MAML2: variants seen among roughly 807,000 people sequenced by gnomAD.
The protein encoded by MAML2 is mastermind like transcriptional coactivator 2.
A neutral mutation model predicts 96.1 loss-of-function variants in MAML2; 22 were observed. The observed-to-expected ratio is 0.23, with a 90% confidence interval of 0.16 to 0.33. The LOEUF is 0.33. MAML2 is among the 10% of genes least tolerant of loss of function. MAML2 has a pLI of 1.00. For synonymous variants in MAML2, 561 were observed against 521.3 expected, an observed-to-expected ratio of 1.08 and a Z score of -1.04; for missense variants, 1,367 against 1,392.4, an observed-to-expected ratio of 0.98 and a Z score of 0.29.
intron 2 of MAML2, among the ~76,000 whole-genome samples, chr11:96,011,774 G>T (rs1032403366): frequency 2.6e-5 from 4 of 152,162 alleles, no homozygotes; most frequent in Non-Finnish European, 5.9e-5. Flanking sequence ...ATCAATGACA[G>T]AATAAATGGA....
chr11:95,993,049 A>T (rs147373942), intron 2 of MAML2, among the ~76,000 whole-genome samples: 1 of 151,832 alleles, frequency 6.6e-6, no homozygotes, highest in Non-Finnish European at 1.5e-5. Context: ...GCTAATTTTT[A>T]AATTTTTTTT....
intron 1 of MAML2, among the ~76,000 whole-genome samples, chr11:96,284,961 C>T (rs747598557): frequency 9.2e-5 from 14 of 152,048 alleles, no homozygotes; most frequent in African/African-American, 1.2e-4. Context: ...TGAATTGTGC[C>T]GTATATGGCT....
chr11:96,100,280 T>C (rs1247947479), intron 1 of MAML2, among the ~76,000 whole-genome samples: 1 of 152,084 alleles, frequency 6.6e-6, no homozygotes, highest in Non-Finnish European at 1.5e-5. Context: ...GTTTTAGGGT[T>C]TTTTGTTGTT....
At position 96,092,213 on chromosome 11, in the gene MAML2, C is replaced by A. The variant is rs572830140; in HGVS notation, c.1818G>T (p.Gln606His). The A allele has an allele frequency of 2.3e-3, 56 of 24,818 alleles. No homozygotes were observed. Among genetic ancestry groups the A allele is most frequent in the Non-Finnish European group, 2.7e-3 (56 of 20,690 alleles). 1.5% of individuals were successfully genotyped at this position (24,818 alleles called of 1,614,324 possible). The change falls in exon 2 of 5, where the codon CAG (glutamine) becomes CAT (histidine). Residue 606 changes from glutamine (Q) to histidine (H), a missense_variant. By Grantham distance (24) the Gln-to-His change is conservative. Transcript: ENST00000524717. The surrounding 1 kb of genome is among the most constrained non-coding windows in gnomAD (Gnocchi z 4.1). ...QQQQQQQQQQQQQQQQQQQQQ... is the reference protein window; with the variant it reads ...QQQQQQQQQQHQQQQQQQQQQ... ...GCTGTTGCTGCTGCTGCTGCTGTTGCTGCTGCTGCTGCTGCTGCTGCTGCT... is the reference window on the plus strand; with the variant it reads ...GCTGTTGCTGCTGCTGCTGCTGTTGATGCTGCTGCTGCTGCTGCTGCTGCT...
chr11:96,033,562 C>A (rs1034786954), intron 2 of MAML2, among the ~76,000 whole-genome samples: 3 of 152,180 alleles, frequency 2.0e-5, no homozygotes, highest in African/African-American at 7.2e-5. Context: ...ACTTGACGCA[C>A]TGTAAATGCT....
intron 1 of MAML2, among the ~76,000 whole-genome samples, chr11:96,126,877 C>T (rs925374365): frequency 1.3e-5 from 2 of 151,768 alleles, no homozygotes; most frequent in African/African-American, 2.4e-5. Flanking sequence ...GAGAACTAAG[C>T]GTGATGACAG....
At chr11:96,029,163 GGT>G (rs1491522215) in intron 2 of MAML2, among the ~76,000 whole-genome samples, 18 of 88,438 alleles carry the variant, frequency 2.0e-4, no homozygotes, top group African/African-American at 9.5e-4. Context: ...AGAGTGAAAC[GGT>G]TTTTTTTTTT....
At chr11:96,302,059 CA>C (rs1289153613) in intron 1 of MAML2, among the ~76,000 whole-genome samples, 1 of 152,218 alleles carries the variant, frequency 6.6e-6, no homozygotes, top group Non-Finnish European at 1.5e-5. Context: ...TCAATCCTTA[CA>C]AAAGCCCTAT....
intron 1 of MAML2, among the ~76,000 whole-genome samples, chr11:96,151,899 C>T (rs1860930272): frequency 6.6e-6 from 1 of 152,140 alleles, no homozygotes; most frequent in African/African-American, 2.4e-5. Context: ...GTGATCAATA[C>T]ATATTTTTAA....
chr11:96,010,098 CATT>C (rs1858244029), intron 2 of MAML2, among the ~76,000 whole-genome samples: 1 of 152,308 alleles, frequency 6.6e-6, no homozygotes, highest in Admixed American at 6.5e-5. Context: ...TTATCATTAT[CATT>C]ATAAACCTTC....
chr11:96,083,659 A>G (rs1348743982), intron 2 of MAML2, among the ~76,000 whole-genome samples: 1 of 152,184 alleles, frequency 6.6e-6, no homozygotes, highest in Non-Finnish European at 1.5e-5. Context: ...TTAAAGCCCC[A>G]GAACAGAAGA....
rs530578845 is a variant in MAML2, at chr11:96,166,177, T to TCTCACACACA, written c.514-72661_514-72660insTGTGTGTGAG. 2.1e-3 allele frequency among the ~76,000 whole-genome samples: 231 copies of TCTCACACACA among 110,364 alleles called. 1 individual carries two copies. The highest frequency in any genetic ancestry group is 6.7e-3 in the African/African-American group (192 of 28,634). The allele number at this position is 110,364 out of a possible 152,430, so 72.4% of individuals were successfully genotyped here. A position where few individuals can be genotyped will look rare whatever the true frequency, so the allele number is the denominator to read the frequency against. ...CTGTCTCTCTCTCTCTCTCTCTCTC[T>TCTCACACACA]CACACACACACACACACACACACAC... is the stretch of plus-strand genomic sequence containing the variant. On this transcript the variant is annotated intron_variant, in intron 1 of 4. Transcript: ENST00000524717.
At chr11:96,011,415 G>C (rs1858263738) in intron 2 of MAML2, among the ~76,000 whole-genome samples, 1 of 152,164 alleles carries the variant, frequency 6.6e-6, no homozygotes, top group African/African-American at 2.4e-5. Context: ...ACGTCCTTTT[G>C]TAGCAACATG....
At chr11:96,193,140 G>A (rs1010372696) in intron 1 of MAML2, among the ~76,000 whole-genome samples, 1 of 152,136 alleles carries the variant, frequency 6.6e-6, no homozygotes, top group African/African-American at 2.4e-5. Context: ...AGGCTGAGGT[G>A]GGCGGATCAC....
chr11:96,091,171 CTG>C (rs1385318551), intron 2 of MAML2, among the ~76,000 whole-genome samples: 2 of 152,104 alleles, frequency 1.3e-5, no homozygotes, highest in African/African-American at 4.8e-5. Context: ...TTTTTTTTAT[CTG>C]TAGTCGTGAT....
rs201114314 is a variant in MAML2, at chr11:96,091,983, G to T, written c.2048C>A (p.Pro683His). The T allele has an allele frequency of 6.2e-7, 1 of 1,600,484 alleles. No homozygotes were observed. ...SLPSQPLLRS[P>H]LPLQQKLLLQ... ...TAGGAGCTTTTGCTGAAGTGGCAAAGGTGACCTTAGCAAAGGCTGGCTTGG... is the reference window on the plus strand; with the variant it reads ...TAGGAGCTTTTGCTGAAGTGGCAAATGTGACCTTAGCAAAGGCTGGCTTGG... The change falls in exon 2 of 5, where the codon CCT becomes CAT. Residue 683 changes from proline (P) to histidine (H), a missense_variant. Transcript: ENST00000524717.
chr11:96,042,040 G>A (rs912275580), intron 2 of MAML2, among the ~76,000 whole-genome samples: 2 of 147,840 alleles, frequency 1.4e-5, no homozygotes, highest in African/African-American at 2.5e-5. Flanking sequence ...GCAGTGGCAC[G>A]ATCTTGGCTC....
chr11:96,097,505 C>G (rs1859851437), intron 1 of MAML2, among the ~76,000 whole-genome samples: 1 of 152,034 alleles, frequency 6.6e-6, no homozygotes, highest in Non-Finnish European at 1.5e-5. Context: ...GTTAATGATA[C>G]TGGAAAGGTA....
chr11:96,005,720 G>A lies in MAML2; in HGVS notation c.2140-13997C>T, dbSNP rs534630941. 2.0e-5 allele frequency among the ~76,000 whole-genome samples: 3 copies of A among 152,244 alleles called. No individual in the cohort carries two copies. In the East Asian group the frequency reaches 5.8e-4, roughly 29 times the overall value. On this transcript the variant is annotated intron_variant, in intron 2 of 4. Coordinates refer to ENST00000524717, the MANE Select transcript of MAML2 (RefSeq NM_032427.4). Reference sequence around the variant, plus strand: ...TCTGGACTGGATTTTCAAGGCATAAGGTAGAACTATACAGCTTTGGTAATA... The same window carrying A: ...TCTGGACTGGATTTTCAAGGCATAAAGTAGAACTATACAGCTTTGGTAATA...
Sources: gnomAD v4.1 joint callset for allele counts (sites outside exome capture counted in the v4.1 genomes callset) on GRCh38, gnomAD v4.1.1 for gene constraint, Gnocchi (gnomAD v3.1) non-coding constraint, MANE v1.5 for transcripts, NCBI Gene and HGNC (gene_info 2026-07-23, HGNC 2026-07-21) for gene names.